The following THSD4 variants were observed in gnomAD, a reference collection of about 807,000 sequenced individuals.
THSD4 encodes the protein thrombospondin type 1 domain containing 4, also known as thrombospondin type-1 domain-containing protein 4.
Under a neutral mutation model 119.0 loss-of-function variants are expected in THSD4, and 69 were observed. The ratio of observed to expected loss-of-function variants is 0.58; its 90% CI spans 0.48 to 0.71. The LOEUF (loss-of-function observed/expected upper bound fraction) is 0.71. THSD4 is among the 30% of genes least tolerant of loss of function. The pLI, the probability that THSD4 is intolerant of heterozygous loss-of-function variation, is 0.00. For synonymous variants in THSD4, 524 were observed against 540.4 expected (o/e 0.97, Z 0.42); for missense variants, 1,393 against 1,391.1 (o/e 1.00, Z -0.02).
chr15:71,177,944 C>G (rs371327737), intron 3 of THSD4, among the ~76,000 whole-genome samples: 1 of 128,870 alleles, frequency 7.8e-6, no homozygotes, highest in Admixed American at 8.4e-5. Context: ...CAACAACCCT[C>G]CATGCTAAAA....
chr15:71,432,637 A>G (rs925415988), intron 7 of THSD4, among the ~76,000 whole-genome samples: 1 of 152,040 alleles, frequency 6.6e-6, no homozygotes, highest in Admixed American at 6.5e-5. Context: ...ATCAGTATCA[A>G]TGCTAAAGCT....
chr15:71,761,789 C>T (rs900857425), intron 15 of THSD4, among the ~76,000 whole-genome samples: 3 of 152,138 alleles, frequency 2.0e-5, no homozygotes, highest in African/African-American at 2.4e-5. Flanking sequence ...GGTAAGGTTT[C>T]TGAGCCCTTG....
intron 6 of THSD4, among the ~76,000 whole-genome samples, chr15:71,319,315 A>G (rs1596334102): frequency 6.6e-6 from 1 of 151,894 alleles, no homozygotes; most frequent in Non-Finnish European, 1.5e-5. Context: ...ATATGTATAC[A>G]TGTGCCATGT....
At chr15:71,264,131 T>C (rs1435932660) in intron 6 of THSD4, among the ~76,000 whole-genome samples, 5 of 152,182 alleles carry the variant, frequency 3.3e-5, no homozygotes, top group Non-Finnish European at 7.3e-5. Flanking sequence ...GATAAAAACA[T>C]AGACAATATT....
At chr15:71,466,615 C>T (rs1246164670) in intron 7 of THSD4, among the ~76,000 whole-genome samples, 1 of 152,162 alleles carries the variant, frequency 6.6e-6, no homozygotes, top group Non-Finnish European at 1.5e-5. Context: ...CTCTTCTTTC[C>T]ATCCCTTGGT....
chr15:71,701,781 C>T (rs1234681853), intron 8 of THSD4, among the ~76,000 whole-genome samples: 1 of 152,062 alleles, frequency 6.6e-6, no homozygotes, highest in African/African-American at 2.4e-5. Context: ...GAAGGATTCT[C>T]ACTAATTGTT....
chr15:71,125,873 G>A (rs1448057696), intron 1 of THSD4, among the ~76,000 whole-genome samples: 1 of 152,240 alleles, frequency 6.6e-6, no homozygotes, highest in Non-Finnish European at 1.5e-5. Context: ...CCCGTCTTAA[G>A]TAGACGTGTG....
chr15:71,436,031 AGG>A (rs1366290854), intron 7 of THSD4, among the ~76,000 whole-genome samples: 2 of 152,338 alleles, frequency 1.3e-5, no homozygotes, highest in East Asian at 3.9e-4. Flanking sequence ...GCAGAGACCA[AGG>A]GAGAATGCTC....
rs966169006 is a variant in THSD4, at chr15:71,417,819, C to T, written c.1152+5996C>T. 3.0e-4 allele frequency among the ~76,000 whole-genome samples: 32 copies of T among 108,056 alleles called. 10 individuals are homozygous for T. Among genetic ancestry groups the T allele is most frequent in the African/African-American group, 1.0e-3 (32 of 31,776 alleles). The allele number at this position is 108,056 out of a possible 152,430, so 70.9% of individuals were successfully genotyped here. A position where few individuals can be genotyped will look rare whatever the true frequency, so the allele number is the denominator to read the frequency against. On this transcript the variant is annotated intron_variant, in intron 7 of 17. Transcript: ENST00000261862. ...TAAGGATTACATTAAATCTGTAATT[C>T]GCTTTGGTTTTATGGACATTTTAGC...
intron 7 of THSD4, among the ~76,000 whole-genome samples, chr15:71,632,301 G>A (rs1421229762): frequency 6.6e-6 from 1 of 152,136 alleles, no homozygotes; most frequent in Non-Finnish European, 1.5e-5. Context: ...GAAAAGGAGA[G>A]ACCTTTAAAG....
chr15:71,513,430 A>C (rs975706061), intron 7 of THSD4, among the ~76,000 whole-genome samples: 2 of 152,244 alleles, frequency 1.3e-5, no homozygotes, highest in African/African-American at 4.8e-5. Flanking sequence ...CTAACAACTT[A>C]ATAAAATGGG....
At chr15:71,123,218 G>A (rs1175184910) in intron 1 of THSD4, among the ~76,000 whole-genome samples, 4 of 152,208 alleles carry the variant, frequency 2.6e-5, no homozygotes, top group East Asian at 1.9e-4. Context: ...GCTGCTGTGC[G>A]TTAGTGGTCC....
chr15:71,205,432 A>G (rs75080613), intron 3 of THSD4, among the ~76,000 whole-genome samples: 3,335 of 152,282 alleles, frequency 0.022, 136 homozygotes, highest in African/African-American at 0.077. Flanking sequence ...GGGTGGCTGC[A>G]TGTCAGTGGT....
chr15:71,528,382 A>G (rs569029428), intron 7 of THSD4, among the ~76,000 whole-genome samples: 4 of 152,224 alleles, frequency 2.6e-5, no homozygotes, highest in African/African-American at 9.6e-5. Flanking sequence ...GCAACAACCC[A>G]CAGTGGCAGC....
chr15:71,552,055 A>AT (rs1555425815), intron 7 of THSD4, among the ~76,000 whole-genome samples: 15 of 151,988 alleles, frequency 9.9e-5, no homozygotes, highest in Non-Finnish European at 1.9e-4. Context: ...GTGGGAAAAG[A>AT]GGGGGAGCAT....
intron 7 of THSD4, among the ~76,000 whole-genome samples, chr15:71,648,555 G>A (rs2051017975): frequency 1.3e-5 from 2 of 152,162 alleles, no homozygotes; most frequent in South Asian, 4.1e-4. Flanking sequence ...AATGAGAAAA[G>A]TTACAAAGAT....
At chr15:71,174,388 A>G (rs545075669) in intron 3 of THSD4, among the ~76,000 whole-genome samples, 3 of 150,638 alleles carry the variant, frequency 2.0e-5, no homozygotes, top group African/African-American at 7.3e-5. Flanking sequence ...ACGCACCTGG[A>G]AAATCGGGTC....
At position 71,321,695 on chromosome 15, in the gene THSD4, T is replaced by A. The variant is rs561575041; in HGVS notation, c.1015+64980T>A. Among the ~76,000 whole-genome samples the A allele has an allele frequency of 2.0e-5, 3 of 152,326 alleles. No homozygotes were observed. In the South Asian group the frequency reaches 6.2e-4, roughly 32 times the overall value. On this transcript the variant is annotated intron_variant, in intron 6 of 17. Coordinates refer to ENST00000261862, the MANE Select transcript of THSD4 (RefSeq NM_024817.3). ...GTTATTAAAATATTAAAAGCAGTTA[T>A]GAATGTGAGAGTGCTGAAATAAATG...
chr15:71,484,838 G>A (rs145642049), intron 7 of THSD4, among the ~76,000 whole-genome samples: 65 of 152,230 alleles, frequency 4.3e-4, no homozygotes, highest in African/African-American at 1.5e-3. Flanking sequence ...TCATTTAGAG[G>A]CATTGGGACT....
Sources: allele counts gnomAD v4.1 joint callset (sites outside exome capture counted in the v4.1 genomes callset), GRCh38; gene constraint gnomAD v4.1.1; transcripts MANE v1.5; gene names NCBI Gene and HGNC (gene_info 2026-07-23, HGNC 2026-07-21).